CCDC158: variants seen among roughly 807,000 people sequenced by gnomAD.
CCDC158 encodes coiled-coil domain containing 158, also known as coiled-coil domain-containing protein 158.
A neutral mutation model predicts 138.6 loss-of-function variants in CCDC158; 116 were observed. That is an observed-to-expected ratio of 0.84 (90% CI 0.72 to 0.98). CCDC158 has a LOEUF of 0.98. Among genes scored for constraint, CCDC158 ranks in the 50% least tolerant of loss-of-function variants. The pLI is 0.00. For missense variants in CCDC158, 1,265 were observed against 1,306.1 expected, an observed-to-expected ratio of 0.97 and a Z score of 0.48; for synonymous variants, 436 against 442.4, an observed-to-expected ratio of 0.99 and a Z score of 0.18.
At position 76,353,260 on chromosome 4, in the gene CCDC158, C is replaced by A. The variant is rs1467265929; in HGVS notation, c.2308G>T (p.Glu770Ter). Residue 770 changes from glutamate to a stop codon, truncating the protein, a stop_gained, in exon 16 of 25, where the codon GAG becomes TAG. Transcript: ENST00000682701. LOFTEE classifies it high-confidence loss of function. ...ANKEKHFLKE[E>*]KSKLSQELST... ...AATTCCTGACTGAGTTTACTTTTCT[C>A]TTCTTTCAGAAAATGTTTCTCCTAC... 2.5e-6 allele frequency: 4 copies of A among 1,607,878 alleles called. No homozygotes were observed. Among genetic ancestry groups the A allele is most frequent in the Non-Finnish European group, 3.4e-6 (4 of 1,177,772 alleles).
At chr4:76,346,488 G>A (rs1019765172) in intron 18 of CCDC158, among the ~76,000 whole-genome samples, 1 of 152,190 alleles carries the variant, frequency 6.6e-6, no homozygotes, top group African/African-American at 2.4e-5. Context: ...AAGCTGGGTG[G>A]ATCACAAGGT....
intron 12 of CCDC158, among the ~76,000 whole-genome samples, chr4:76,364,058 G>T (rs753602162): frequency 1.3e-5 from 2 of 152,138 alleles, no homozygotes; most frequent in East Asian, 3.8e-4. Context: ...GAAACCCCCA[G>T]CATGGCATGC....
intron 18 of CCDC158, among the ~76,000 whole-genome samples, chr4:76,349,539 C>T (rs1468844398): frequency 6.6e-6 from 1 of 152,020 alleles, no homozygotes; most frequent in Non-Finnish European, 1.5e-5. Flanking sequence ...CGTGGTGGCA[C>T]GCACCTTTAG....
chr4:76,362,007 A>G, intron 13 of CCDC158, 119 bp downstream of exon 13: 2 of 708,408 alleles, frequency 2.8e-6, no homozygotes, highest in Non-Finnish European at 4.6e-6. Context: ...GGGGCAGCAT[A>G]ACTATTCATG....
chr4:76,421,524 C>T (rs956031378), upstream of CCDC158, among the ~76,000 whole-genome samples: 3 of 152,080 alleles, frequency 2.0e-5, no homozygotes, highest in Non-Finnish European at 4.4e-5. Flanking sequence ...CACCCGAGCG[C>T]CTCGGGCCAC....
At chr4:76,315,449 C>T (rs1369003537) in intron 24 of CCDC158, among the ~76,000 whole-genome samples, 1 of 152,200 alleles carries the variant, frequency 6.6e-6, no homozygotes, top group Non-Finnish European at 1.5e-5. Flanking sequence ...CCCCTGTCTA[C>T]TATCATAGCT....
At chr4:76,345,947 A>G (rs1294959648) in intron 18 of CCDC158, among the ~76,000 whole-genome samples, 1 of 152,116 alleles carries the variant, frequency 6.6e-6, no homozygotes, top group Non-Finnish European at 1.5e-5. Flanking sequence ...ATCCTAAACA[A>G]AAAAAACAAA....
In CCDC158 at chr4:76,375,498, C is replaced by T. The variant is rs1312917251; in HGVS notation, c.1029+3792G>A. The T allele has an allele frequency of 4.3e-6, 3 of 692,998 alleles. No homozygotes were observed. In the East Asian group the frequency reaches 8.0e-5, roughly 19 times the overall value. 42.9% of individuals were successfully genotyped at this position (692,998 alleles called of 1,614,324 possible). A position where few individuals can be genotyped will look rare whatever the true frequency, so the allele number is the denominator to read the frequency against. On this transcript the variant is annotated intron_variant, in intron 9 of 24. Coordinates refer to ENST00000682701, the MANE Select transcript of CCDC158 (RefSeq NM_001394954.1). Reference sequence around the variant, plus strand: ...CAGAATCTTCCTGCACAGTATATAGCTCCAGCCAGTGCTACTAAATCATCA... The same window carrying T: ...CAGAATCTTCCTGCACAGTATATAGTTCCAGCCAGTGCTACTAAATCATCA...
chr4:76,416,753 A>G (rs1729731475), intron 1 of CCDC158, among the ~76,000 whole-genome samples: 1 of 152,174 alleles, frequency 6.6e-6, no homozygotes, highest in African/African-American at 2.4e-5. Flanking sequence ...TCAAGAATTG[A>G]GGTTTGGGAA....
intron 23 of CCDC158, among the ~76,000 whole-genome samples, chr4:76,325,057 G>T (rs1372918106): frequency 6.6e-6 from 1 of 152,192 alleles, no homozygotes. Flanking sequence ...GAACAGGAAA[G>T]TAATTTCACA....
At chr4:76,370,121 T>G (rs747607215) in intron 10 of CCDC158, among the ~76,000 whole-genome samples, 2 of 152,164 alleles carry the variant, frequency 1.3e-5, no homozygotes, top group Non-Finnish European at 2.9e-5. Context: ...TACATAGTGT[T>G]GAATAGGAGC....
intron 18 of CCDC158, among the ~76,000 whole-genome samples, chr4:76,347,221 T>C (rs1434195466): frequency 6.6e-6 from 1 of 152,170 alleles, no homozygotes; most frequent in Non-Finnish European, 1.5e-5. Flanking sequence ...TAAAGACACA[T>C]GCACATGTAT....
chr4:76,401,251 A>G (rs567730463), intron 3 of CCDC158: 4 of 433,146 alleles, frequency 9.2e-6, no homozygotes, highest in South Asian at 5.6e-5. Context: ...TCCCACAAGC[A>G]TGGTGAATGT....
At chr4:76,364,001 G>A (rs1316464950) in intron 12 of CCDC158, among the ~76,000 whole-genome samples, 1 of 152,058 alleles carries the variant, frequency 6.6e-6, no homozygotes, top group Non-Finnish European at 1.5e-5. Context: ...CTAGGGTAGG[G>A]AATGTGAATA....
chr4:76,329,212 T>G (rs190404232), intron 21 of CCDC158, among the ~76,000 whole-genome samples: 15 of 152,276 alleles, frequency 9.9e-5, no homozygotes, highest in South Asian at 2.1e-4. Context: ...GAAAATCCAT[T>G]TTTGCATACT....
chr4:76,353,305 A>G, intron 15 of CCDC158, 24 bp from the exon 16 acceptor site: 1 of 1,564,368 alleles, frequency 6.4e-7, no homozygotes, highest in African/African-American at 1.4e-5. Context: ...AGAGAAAAAC[A>G]TCAGAAATAA....
chr4:76,390,384 G>A (rs1289804952), intron 4 of CCDC158, among the ~76,000 whole-genome samples: 1 of 151,922 alleles, frequency 6.6e-6, no homozygotes, highest in African/African-American at 2.4e-5. Context: ...CAGATACGCA[G>A]AAAATAAAAG....
intron 3 of CCDC158, among the ~76,000 whole-genome samples, chr4:76,400,573 A>G (rs1451459561): frequency 6.6e-6 from 1 of 151,126 alleles, no homozygotes; most frequent in East Asian, 1.9e-4. Context: ...AAAAACTCAT[A>G]CTCCTTCCTC....
chr4:76,323,992 G>C (rs1720286126), intron 23 of CCDC158, among the ~76,000 whole-genome samples: 2 of 152,148 alleles, frequency 1.3e-5, no homozygotes, highest in African/African-American at 4.8e-5. Context: ...CCAGTATGCT[G>C]TTTTGTCAAC....
Sources: allele counts gnomAD v4.1 joint callset (sites outside exome capture counted in the v4.1 genomes callset), GRCh38; gene constraint gnomAD v4.1.1; transcripts MANE v1.5; gene names NCBI Gene and HGNC (gene_info 2026-07-23, HGNC 2026-07-21).